PLD3: variants seen among roughly 807,000 people sequenced by gnomAD.
PLD3 encodes the protein 5'-3' exonuclease PLD3.
Under a neutral mutation model 58.4 loss-of-function variants are expected in PLD3, and 31 were observed. That is an observed-to-expected ratio of 0.53 (90% CI 0.40 to 0.72). The LOEUF (loss-of-function observed/expected upper bound fraction) is 0.72, where lower values mean the gene tolerates loss of function less well. Ranked by LOEUF, PLD3 falls within the 30% of genes least tolerant of loss-of-function variation. The pLI, the probability that PLD3 is intolerant of heterozygous loss-of-function variation, is 0.00. For missense variants in PLD3, 595 were observed against 659.8 expected, an observed-to-expected ratio of 0.90 and a Z score of 1.08; for synonymous variants, 264 against 273.4, an observed-to-expected ratio of 0.97 and a Z score of 0.34.
intron 5 of PLD3, 146 bp downstream of exon 5, chr19:40,367,061 C>G: frequency 1.3e-6 from 1 of 772,442 alleles, no homozygotes. Context: ...TCGCCCGCCC[C>G]CTCCTCCTCC....
Position 40,348,727 on chromosome 19 carries a change from G to C in PLD3, c.-320G>C, listed in dbSNP as rs1199473997. ...CAGGCGGGGATACAGCCTGGAAGGT[G>C]CGTGTGGGGCTGGGTCTCGGAGTGG... On this transcript the variant is annotated 5_prime_UTR_variant, in exon 1 of 13. Transcript: ENST00000409735. 18 of 526,580 alleles carry C rather than the reference G, an allele frequency of 3.4e-5. 2 individuals are homozygous for C. The South Asian group carries it at 5.6e-4, about 16-fold the overall frequency. The allele number at this position is 526,580 out of a possible 1,614,324, so 32.6% of individuals were successfully genotyped here.
Position 40,366,871 on chromosome 19 carries a change from CTT to C in PLD3, c.203_204del (p.Phe68TrpfsTer11). ...FLWEYGDLHL[F>X]GPNQRPAPCY... ...TATGGGAATACGGCGACTTGCATCT[CTT>C]TGGGCCCAACCAGCGCCCAGCCCCC... is the stretch of plus-strand genomic sequence containing the variant. On this transcript the variant is annotated frameshift_variant, in exon 5 of 13. Transcript: ENST00000409735. LOFTEE classifies it high-confidence loss of function. 3 of 1,613,846 alleles carry C rather than the reference CTT, an allele frequency of 1.9e-6. No individual in the cohort carries two copies. The highest frequency in any genetic ancestry group is 2.5e-6 in the Non-Finnish European group (3 of 1,179,862).
At position 40,370,188 on chromosome 19, in the gene PLD3, C is replaced by T. The variant is rs1473289543; in HGVS notation, c.629C>T (p.Thr210Ile). 3.7e-6 allele frequency: 6 copies of T among 1,613,902 alleles called. No individual in the cohort carries two copies. The highest frequency in any genetic ancestry group is 1.3e-5 in the African/African-American group (1 of 74,916). Residue 210 changes from threonine to isoleucine, a missense_variant, in exon 8 of 13, where the codon ACC becomes ATC. Physicochemically the swap from Thr to Ile is moderately conservative, Grantham distance 89. Coordinates refer to ENST00000409735, the MANE Select transcript of PLD3 (RefSeq NM_012268.4). ...LHTKFWVVDQ[T>I]HFYLGSANMD... ...ACCAAGTTCTGGGTGGTGGACCAGACCCACTTCTACCTGGGCAGTGCCAAC... is the reference window on the plus strand; with the variant it reads ...ACCAAGTTCTGGGTGGTGGACCAGATCCACTTCTACCTGGGCAGTGCCAAC...
At position 40,351,152 on chromosome 19, in the gene PLD3, G is replaced by T. The variant is rs1162218736; in HGVS notation, c.-279+2384G>T. Among the ~76,000 whole-genome samples, 4 of 151,876 alleles carry T rather than the reference G, an allele frequency of 2.6e-5. No individual in the cohort carries two copies. In the South Asian group the frequency reaches 6.3e-4, roughly 24 times the overall value. On this transcript the variant is annotated intron_variant, in intron 1 of 12. Transcript: ENST00000409735. Reference sequence around the variant, plus strand: ...GCTGAGAGGTGGGGGGATCGCTTGAGCCTGGGAGTTCGAGGCTGCAGTGAG... The same window carrying T: ...GCTGAGAGGTGGGGGGATCGCTTGATCCTGGGAGTTCGAGGCTGCAGTGAG...
chr19:40,377,572 C>T (rs1157597539), intron 11 of PLD3, among the ~76,000 whole-genome samples: 2 of 151,972 alleles, frequency 1.3e-5, no homozygotes, highest in Admixed American at 6.6e-5. Flanking sequence ...GCCATTCTGC[C>T]GGGAACAGTG....
chr19:40,369,236 C>T (rs2079005769), intron 6 of PLD3, among the ~76,000 whole-genome samples: 1 of 152,052 alleles, frequency 6.6e-6, no homozygotes, highest in African/African-American at 2.4e-5. Flanking sequence ...GGGTTCAAAT[C>T]CTGCTCCATA....
intron 1 of PLD3, chr19:40,357,888 C>T (rs1340903412): frequency 6.6e-6 from 1 of 152,204 alleles, no homozygotes; most frequent in Admixed American, 6.5e-5. Flanking sequence ...ATCTCATTGA[C>T]TTCCCAACAA....
In PLD3 at chr19:40,376,566, C is replaced by T. The variant is rs200252158; in HGVS notation, c.1020-43C>T. ...TGAGGGCAAAGCCTGTGGACACAGC[C>T]GCCCTCTGCATCCTGCCCCACCTCC... is the stretch of plus-strand genomic sequence containing the variant. On this transcript the variant is annotated intron_variant, in intron 10 of 12. Transcript: ENST00000409735. 702 of 1,579,500 alleles carry T rather than the reference C, an allele frequency of 4.4e-4. 3 individuals carry two copies. The African/African-American group carries it at 6.8e-3, about 15-fold the overall frequency.
chr19:40,375,265 G>A (rs1218615809), intron 10 of PLD3, among the ~76,000 whole-genome samples: 1 of 151,930 alleles, frequency 6.6e-6, no homozygotes, highest in Non-Finnish European at 1.5e-5. Context: ...GGAGGCATGG[G>A]CTGGAAACAG....
At position 40,378,208 on chromosome 19, in the gene PLD3, G is replaced by A; in HGVS notation, c.*35G>A. On this transcript the variant is annotated 3_prime_UTR_variant, in exon 13 of 13. Transcript: ENST00000409735. Reference sequence around the variant, plus strand: ...CAGTGGGCAGGCCAAGGCCTGCTGGGCCCCCGCGGACCCAGGTGCTCTGGG... The same window carrying A: ...CAGTGGGCAGGCCAAGGCCTGCTGGACCCCCGCGGACCCAGGTGCTCTGGG... 1 of 1,584,800 alleles carries A rather than the reference G, an allele frequency of 6.3e-7. No homozygotes were observed. Among genetic ancestry groups the A allele is most frequent in the Non-Finnish European group, 8.6e-7 (1 of 1,163,614 alleles).
Position 40,367,772 on chromosome 19 carries a change from GC to G in PLD3, c.324del (p.Trp109GlyfsTer51). 6.2e-7 allele frequency: 1 copy of G among 1,613,340 alleles called. No homozygotes were observed. Among genetic ancestry groups the G allele is most frequent in the Non-Finnish European group, 8.5e-7 (1 of 1,179,814 alleles). Reference sequence around the variant, plus strand: ...CACGGGGAACCCTTCCACCAGCCAGGCCTGGCTGGGCCTGCTCGCCGGTGCG... The same window carrying G: ...CACGGGGAACCCTTCCACCAGCCAGGCTGGCTGGGCCTGCTCGCCGGTGCG... Reference protein sequence around the residue: ...ASTGNPSTSQAWLGLLAGAHS... With the variant: ...ASTGNPSTSQXWLGLLAGAHS... On this transcript the variant is annotated frameshift_variant, in exon 6 of 13. Coordinates refer to ENST00000409735, the MANE Select transcript of PLD3 (RefSeq NM_012268.4). LOFTEE classifies it high-confidence loss of function.
chr19:40,371,885 G>A lies in PLD3; in HGVS notation c.879+12G>A, dbSNP rs1228367808. ...TGGCCTACCTGGCGGTGAGTCTGGG[G>A]CAAGTGGGGCCTGTCATGTCCCAGC... On this transcript the variant is annotated intron_variant, in intron 9 of 12. Transcript: ENST00000409735. 6.2e-7 allele frequency: 1 copy of A among 1,607,782 alleles called. No homozygotes were observed. The highest frequency in any genetic ancestry group is 1.7e-5 in the Admixed American group (1 of 59,992).
intron 9 of PLD3, 117 bp downstream of exon 9, chr19:40,371,990 C>T: frequency 1.2e-6 from 1 of 804,418 alleles, no homozygotes; most frequent in Middle Eastern, 2.9e-4. Flanking sequence ...CAGTTCTCAC[C>T]CCAGCTCATT....
At chr19:40,371,966 C>A in intron 9 of PLD3, 93 bp downstream of exon 9, 1 of 1,022,538 alleles carries the variant, frequency 9.8e-7, no homozygotes, top group South Asian at 1.3e-5. Flanking sequence ...ACAGGGAGGG[C>A]GTATCCTGAC....
chr19:40,352,950 G>A (rs1474235326), intron 1 of PLD3, among the ~76,000 whole-genome samples: 2 of 152,142 alleles, frequency 1.3e-5, no homozygotes, highest in African/African-American at 2.4e-5. Flanking sequence ...GCAACAAAGC[G>A]AGGAGACCCT....
At chr19:40,375,527 G>A (rs1018180455) in intron 10 of PLD3, among the ~76,000 whole-genome samples, 3 of 151,596 alleles carry the variant, frequency 2.0e-5, no homozygotes, top group Non-Finnish European at 2.9e-5. Context: ...GCAGGCGCCT[G>A]TAGTCCCAGC....
intron 1 of PLD3, among the ~76,000 whole-genome samples, chr19:40,354,235 G>A (rs1049256176): frequency 4.0e-5 from 6 of 151,710 alleles, no homozygotes; most frequent in Admixed American, 1.3e-4. Flanking sequence ...CACCAGGCCC[G>A]GCTAATTTTT....
chr19:40,364,576 G>C (rs1178921121), intron 1 of PLD3, among the ~76,000 whole-genome samples: 1 of 151,898 alleles, frequency 6.6e-6, no homozygotes, highest in African/African-American at 2.4e-5. Context: ...CGGATCACGA[G>C]GTCAGGAGAT....
intron 9 of PLD3, among the ~76,000 whole-genome samples, chr19:40,373,193 T>C (rs1239364141): frequency 1.3e-5 from 2 of 152,148 alleles, no homozygotes; most frequent in Admixed American, 1.3e-4. Flanking sequence ...TTGGGGTCTT[T>C]CACTACAAGG....
Sources: gnomAD v4.1 joint callset for allele counts (sites outside exome capture counted in the v4.1 genomes callset) on GRCh38, gnomAD v4.1.1 for gene constraint, MANE v1.5 for transcripts, NCBI Gene and HGNC (gene_info 2026-07-23, HGNC 2026-07-21) for gene names.